CFAP70: variants seen among roughly 807,000 people sequenced by gnomAD.
CFAP70 encodes cilia and flagella associated protein 70.
Under a neutral mutation model 137.6 loss-of-function variants are expected in CFAP70, and 81 were observed. That is an observed-to-expected ratio of 0.59 (90% CI 0.49 to 0.71). CFAP70 has a LOEUF of 0.71. CFAP70 is among the 30% of genes least tolerant of loss of function. The pLI, the probability that CFAP70 is intolerant of heterozygous loss-of-function variation, is 0.00. For synonymous variants in CFAP70, 382 were observed against 423.6 expected, an observed-to-expected ratio of 0.90 and a Z score of 1.20; for missense variants, 976 against 1,226.7, an observed-to-expected ratio of 0.80 and a Z score of 3.05.
At position 73,275,768 on chromosome 10, in the gene CFAP70, G is replaced by T; in HGVS notation, c.2521-170C>A. On this transcript the variant is annotated intron_variant, in intron 21 of 26. Coordinates refer to ENST00000310715, the Ensembl canonical transcript of CFAP70. The surrounding 1 kb of genome is among the most constrained non-coding windows in gnomAD (Gnocchi z 4.0). The stretch of plus-strand genomic sequence containing the variant: ...AATTACAAACATTCTGCACTTCATA[G>T]TTCCATTACCAGCTATTCACCTAGT... 1.8e-6 allele frequency: 1 copy of T among 552,146 alleles called. No homozygotes were observed. The highest frequency in any genetic ancestry group is 3.0e-6 in the Non-Finnish European group (1 of 338,176). The allele number at this position is 552,146 out of a possible 1,614,324, so 34.2% of individuals were successfully genotyped here.
At chr10:73,350,965 G>GTA (rs1318414484) in intron 3 of CFAP70, among the ~76,000 whole-genome samples, 1 of 149,254 alleles carries the variant, frequency 6.7e-6, no homozygotes, top group Non-Finnish European at 1.5e-5. Context: ...GTATGTGTGT[G>GTA]TATATGTATG....
At chr10:73,335,669 TACC>T in intron 6 of CFAP70, 145 bp from the exon 8 acceptor site, 4 of 465,992 alleles carry the variant, frequency 8.6e-6, no homozygotes, top group Non-Finnish European at 1.5e-5. Flanking sequence ...TTGCAACTAC[TACC>T]ACCACCTTAA....
chr10:73,321,753 A>AT (rs1348818210), intron 9 of CFAP70, among the ~76,000 whole-genome samples: 1 of 152,028 alleles, frequency 6.6e-6, no homozygotes, highest in Admixed American at 6.6e-5. Context: ...GTTTTTCCAT[A>AT]TTTAACAACA....
At chr10:73,278,106 C>T in intron 20 of CFAP70, 73 bp downstream of exon 21, 1 of 1,463,446 alleles carries the variant, frequency 6.8e-7, no homozygotes. Context: ...ATTGCCATTT[C>T]ATCATCGTAA....
chr10:73,335,207 A>G (rs1425703047), intron 7 of CFAP70, among the ~76,000 whole-genome samples: 2 of 151,678 alleles, frequency 1.3e-5, no homozygotes, highest in Admixed American at 1.3e-4. Flanking sequence ...CTTCTTTTAT[A>G]TAAAAGAGGA....
chr10:73,262,456 G>A (rs1328439921), intron 25 of CFAP70, among the ~76,000 whole-genome samples: 1 of 151,986 alleles, frequency 6.6e-6, no homozygotes, highest in Non-Finnish European at 1.5e-5. Flanking sequence ...AGTGATGCTG[G>A]CAATTTGGAT....
intron 8 of CFAP70, among the ~76,000 whole-genome samples, chr10:73,324,440 C>T (rs2051187453): frequency 6.6e-6 from 1 of 152,198 alleles, no homozygotes; most frequent in African/African-American, 2.4e-5. Context: ...TCTCCTACTC[C>T]AAAGGAACGC....
chr10:73,313,371 CAAAAA>C lies in CFAP70; in HGVS notation c.913-733_913-729del, dbSNP rs775077463. 5.4e-4 allele frequency among the ~76,000 whole-genome samples: 32 copies of C among 59,178 alleles called. No homozygotes were observed. In the Admixed American group the frequency reaches 5.8e-3, roughly 11 times the overall value. The allele number at this position is 59,178 out of a possible 152,430, so 38.8% of individuals were successfully genotyped here. A position where few individuals can be genotyped will look rare whatever the true frequency, so the allele number is the denominator to read the frequency against. ...TGGGCGATAGAGCGAGACTCTGTCT[CAAAAA>C]AAAAAAAAAAAAAAAAATCAGCGAG... On this transcript the variant is annotated intron_variant, in intron 9 of 26. Transcript: ENST00000310715.
exon 20 of CFAP70, chr10:73,278,283 A>T (rs149826847): frequency 1.0e-4 from 163 of 1,614,020 alleles, no homozygotes; most frequent in Non-Finnish European, 1.2e-4. Flanking sequence ...ATCAGACTGC[A>T]GTTTGGAGGA....
At chr10:73,345,197 G>A in intron 4 of CFAP70, 1 of 1,614,056 alleles carries the variant, frequency 6.2e-7, no homozygotes, top group Non-Finnish European at 8.5e-7. Context: ...TCTGGGCTGT[G>A]GTCAGTAAAG....
chr10:73,321,484 T>C (rs1158775119), intron 9 of CFAP70, among the ~76,000 whole-genome samples: 1 of 152,152 alleles, frequency 6.6e-6, no homozygotes, highest in Non-Finnish European at 1.5e-5. Flanking sequence ...TAGAAACAGT[T>C]TACTACTCAG....
intron 25 of CFAP70, 97 bp from the exon 27 acceptor site, chr10:73,256,513 A>C: frequency 8.1e-7 from 1 of 1,239,354 alleles, no homozygotes; most frequent in South Asian, 1.2e-5. Context: ...CCTACACCTA[A>C]GGCAGAGGCT....
At chr10:73,328,103 G>A (rs184010757) in intron 8 of CFAP70, among the ~76,000 whole-genome samples, 15,979 of 151,872 alleles carry the variant, frequency 0.11, 1,216 homozygotes, top group East Asian at 0.3. Flanking sequence ...ACAAGTCTAC[G>A]GTAACCAAAA....
chr10:73,352,421 C>T (rs192318768), intron 3 of CFAP70, among the ~76,000 whole-genome samples: 9 of 152,268 alleles, frequency 5.9e-5, no homozygotes, highest in Admixed American at 2.6e-4. Flanking sequence ...ATTAGGCTGC[C>T]GCTTTCATAG....
In CFAP70 at chr10:73,297,041, C is replaced by T; in HGVS notation, c.1644+1G>A. 6.2e-7 allele frequency: 1 copy of T among 1,612,440 alleles called. No homozygotes were observed. Among genetic ancestry groups the T allele is most frequent in the Non-Finnish European group, 8.5e-7 (1 of 1,179,264 alleles). ...AAGTGCTCTCAGTTCTTGACACTTACCTGGTTTAGGGCTACATGCATCTGA... is the reference window on the plus strand; with the variant it reads ...AAGTGCTCTCAGTTCTTGACACTTATCTGGTTTAGGGCTACATGCATCTGA... On this transcript the variant is annotated splice_donor_variant, in intron 15 of 26. Coordinates refer to ENST00000310715, the Ensembl canonical transcript of CFAP70. LOFTEE classifies it high-confidence loss of function.
At position 73,256,419 on chromosome 10, in the gene CFAP70, G is replaced by GA; in HGVS notation, c.3028-4dup. 1.9e-6 allele frequency: 3 copies of GA among 1,613,908 alleles called. No homozygotes were observed. The highest frequency in any genetic ancestry group is 1.1e-5 in the South Asian group (1 of 91,054). ...TCAGCTTCTAATTGCCGTCCAACCT[G>GA]AAAAAAGTGCAGCAGTTGGTGATGA... On this transcript the variant is annotated splice_region_variant and splice_polypyrimidine_tract_variant and intron_variant, in intron 25 of 26. Coordinates refer to ENST00000310715, the Ensembl canonical transcript of CFAP70.
Position 73,279,560 on chromosome 10 carries a change from AATAAATAAATAT to A in CFAP70, c.2240-1235_2240-1224del, listed in dbSNP as rs1453033979. On this transcript the variant is annotated intron_variant, in intron 19 of 26. Transcript: ENST00000310715. Reference sequence around the variant, plus strand: ...AAATAAATAAATAAATAAATAAATAAATAAATAAATATAAGAAGTTGGGCGAGGTGACTCACG... The same window carrying A: ...AAATAAATAAATAAATAAATAAATAAAAGAAGTTGGGCGAGGTGACTCACG... Among the ~76,000 whole-genome samples the A allele has an allele frequency of 5.8e-4, 82 of 142,108 alleles. 2 individuals carry two copies. The South Asian group carries it at 0.012, about 20-fold the overall frequency. 93.2% of individuals were successfully genotyped at this position (142,108 alleles called of 152,430 possible). A position where few individuals can be genotyped will look rare whatever the true frequency, so the allele number is the denominator to read the frequency against.
upstream of CFAP70, among the ~76,000 whole-genome samples, chr10:73,361,853 G>GT (rs146636199): frequency 1.8e-3 from 268 of 147,870 alleles, no homozygotes; most frequent in African/African-American, 3.7e-3. Flanking sequence ...AACCCCAACT[G>GT]TTTTTTTTTT....
chr10:73,261,470 C>T (rs939864093), intron 25 of CFAP70, among the ~76,000 whole-genome samples: 4 of 152,174 alleles, frequency 2.6e-5, no homozygotes, highest in African/African-American at 7.2e-5. Context: ...TAAGTCACGT[C>T]TTACGTGGAT....
Sources: gnomAD v4.1 joint callset for allele counts (sites outside exome capture counted in the v4.1 genomes callset) on GRCh38, gnomAD v4.1.1 for gene constraint, Gnocchi (gnomAD v3.1) non-coding constraint, MANE v1.5 for transcripts, NCBI Gene and HGNC (gene_info 2026-07-23, HGNC 2026-07-21) for gene names.